PRKAG2: variants seen among roughly 807,000 people sequenced by gnomAD.
PRKAG2 encodes 5'-AMP-activated protein kinase subunit gamma-2.
PRKAG2 carries 26 observed loss-of-function variants against 69.6 expected under a neutral mutation model. That is an observed-to-expected ratio of 0.37 (90% confidence interval 0.27 to 0.52). The LOEUF (loss-of-function observed/expected upper bound fraction) is 0.52, where lower values mean the gene tolerates loss of function less well. Ranked by LOEUF, PRKAG2 falls within the 20% of genes least tolerant of loss-of-function variation. The probability of loss-of-function intolerance (pLI) is 0.90; values close to 1 mark genes in which losing one functional copy is unlikely to be tolerated. For synonymous variants in PRKAG2, 293 were observed against 285.0 expected (o/e 1.03, Z -0.28); for missense variants, 557 against 740.0 (o/e 0.75, Z 2.87).
chr7:151,661,482 C>T (rs1231981288), intron 4 of PRKAG2, among the ~76,000 whole-genome samples: 1 of 152,150 alleles, frequency 6.6e-6, no homozygotes, highest in Admixed American at 6.6e-5. Context: ...AAATCACGGG[C>T]AGAGCTGTAG....
chr7:151,775,278 T>G (rs1342803131), intron 3 of PRKAG2, among the ~76,000 whole-genome samples: 1 of 150,430 alleles, frequency 6.6e-6, no homozygotes, highest in Non-Finnish European at 1.5e-5. Flanking sequence ...CACCCCGCCC[T>G]GATTGATTCA....
In PRKAG2 at chr7:151,688,419, A is replaced by G. The variant is rs1301023035; in HGVS notation, c.467-12782T>C. 2.0e-5 allele frequency among the ~76,000 whole-genome samples: 3 copies of G among 152,226 alleles called. No homozygotes were observed. In the East Asian group the frequency reaches 5.8e-4, roughly 29 times the overall value. The stretch of plus-strand genomic sequence containing the variant: ...GTATACACGGCTATCGCTATGATGT[A>G]AAACAGCAGATCTCATGTGAGGGTA... On this transcript the variant is annotated intron_variant, in intron 3 of 15. Coordinates refer to ENST00000287878, the MANE Select transcript of PRKAG2 (RefSeq NM_016203.4).
intron 4 of PRKAG2, among the ~76,000 whole-genome samples, chr7:151,642,755 A>G (rs1255751081): frequency 6.6e-6 from 1 of 152,246 alleles, no homozygotes; most frequent in East Asian, 1.9e-4. Context: ...ACCTGTTTCA[A>G]AGGAAGTATT....
At chr7:151,575,912 A>T (rs948079592) in intron 7 of PRKAG2, among the ~76,000 whole-genome samples, 1 of 151,208 alleles carries the variant, frequency 6.6e-6, no homozygotes, top group Non-Finnish European at 1.5e-5. Flanking sequence ...AAAAAAAAAA[A>T]AGAAAAAAAG....
intron 3 of PRKAG2, among the ~76,000 whole-genome samples, chr7:151,775,253 C>T (rs1052971292): frequency 4.6e-5 from 7 of 152,166 alleles, no homozygotes; most frequent in South Asian, 2.1e-4. Flanking sequence ...GTTTCTCCTG[C>T]GTGATCCTAC....
intron 1 of PRKAG2, among the ~76,000 whole-genome samples, chr7:151,855,242 CCA>C (rs1436790135): frequency 2.5e-5 from 3 of 118,002 alleles, no homozygotes; most frequent in Non-Finnish European, 1.9e-5. Flanking sequence ...ACACCGCCCT[CCA>C]CACACACCAC....
chr7:151,804,950 AAGTC>A (rs763627339), intron 1 of PRKAG2, among the ~76,000 whole-genome samples: 33 of 152,148 alleles, frequency 2.2e-4, no homozygotes, highest in Non-Finnish European at 4.7e-4. Context: ...CTCACTGTCA[AAGTC>A]TGAAAGCCGC....
intron 1 of PRKAG2, chr7:151,809,267 C>A (rs1212403581): frequency 2.2e-6 from 1 of 456,604 alleles, no homozygotes; most frequent in Non-Finnish European, 4.4e-6. Context: ...CTAGGCCAGC[C>A]CGGCCCCTTC....
At chr7:151,624,624 G>T (rs566431284) in intron 5 of PRKAG2, among the ~76,000 whole-genome samples, 1 of 152,114 alleles carries the variant, frequency 6.6e-6, no homozygotes, top group Non-Finnish European at 1.5e-5. Flanking sequence ...GTGTCAAGGC[G>T]ATTTCCTCGG....
At chr7:151,712,536 G>A (rs1795496842) in intron 3 of PRKAG2, among the ~76,000 whole-genome samples, 1 of 152,210 alleles carries the variant, frequency 6.6e-6, no homozygotes, top group Non-Finnish European at 1.5e-5. Flanking sequence ...GCTCTTGTTG[G>A]CCCTGATGAG....
At chr7:151,595,270 T>C in intron 6 of PRKAG2, 75 bp downstream of exon 6, 1 of 1,067,972 alleles carries the variant, frequency 9.4e-7, no homozygotes, top group Admixed American at 1.8e-5. Context: ...CTGGCATTGC[T>C]GGTTTTAAAT....
chr7:151,829,795 G>A (rs780921870), intron 1 of PRKAG2, among the ~76,000 whole-genome samples: 2 of 151,906 alleles, frequency 1.3e-5, no homozygotes, highest in Non-Finnish European at 2.9e-5. Context: ...AATTCCTTCC[G>A]GGGACCCTGC....
intron 6 of PRKAG2, among the ~76,000 whole-genome samples, chr7:151,580,659 A>G (rs1810201942): frequency 6.6e-6 from 1 of 152,202 alleles, no homozygotes; most frequent in Non-Finnish European, 1.5e-5. Flanking sequence ...GTAATCTGTA[A>G]GACAGCCTCT....
At chr7:151,849,808 T>A (rs940436079) in intron 1 of PRKAG2, among the ~76,000 whole-genome samples, 2 of 152,198 alleles carry the variant, frequency 1.3e-5, no homozygotes, top group African/African-American at 4.8e-5. Context: ...GGGCCCACCC[T>A]GCTCTAGGAT....
intron 1 of PRKAG2, among the ~76,000 whole-genome samples, chr7:151,868,180 T>A (rs954617414): frequency 6.6e-6 from 1 of 152,180 alleles, no homozygotes; most frequent in Non-Finnish European, 1.5e-5. Flanking sequence ...GGGCTTCCTG[T>A]CAACAGGAAG....
intron 1 of PRKAG2, among the ~76,000 whole-genome samples, chr7:151,843,699 T>G (rs552216167): frequency 1.2e-4 from 18 of 152,260 alleles, no homozygotes; most frequent in Non-Finnish European, 1.8e-4. Flanking sequence ...AGGCTGGAAC[T>G]TGAGACCACT....
At chr7:151,696,195 C>T (rs959181042) in intron 3 of PRKAG2, among the ~76,000 whole-genome samples, 6 of 152,180 alleles carry the variant, frequency 3.9e-5, no homozygotes, top group South Asian at 2.1e-4. Context: ...TCTCCTTATT[C>T]GTTAAAATTC....
At chr7:151,649,252 A>T (rs1828066146) in intron 4 of PRKAG2, among the ~76,000 whole-genome samples, 2 of 152,024 alleles carry the variant, frequency 1.3e-5, no homozygotes, top group South Asian at 4.1e-4. Context: ...CAGCCTCCTG[A>T]GTAGCTGGGA....
intron 4 of PRKAG2, among the ~76,000 whole-genome samples, chr7:151,647,224 C>T (rs1827722097): frequency 6.6e-6 from 1 of 152,314 alleles, no homozygotes; most frequent in Admixed American, 6.5e-5. Context: ...TGTATCTCAC[C>T]TTGCCTGGGG....
Sources: gnomAD v4.1 joint callset for allele counts (sites outside exome capture counted in the v4.1 genomes callset) on GRCh38, gnomAD v4.1.1 for gene constraint, MANE v1.5 for transcripts, NCBI Gene and HGNC (gene_info 2026-07-23, HGNC 2026-07-21) for gene names.